PDE4A: variants seen among roughly 807,000 people sequenced by gnomAD.
The protein encoded by PDE4A is 3',5'-cyclic-AMP phosphodiesterase 4A.
A neutral mutation model predicts 73.9 loss-of-function variants in PDE4A; 21 were observed. The ratio of observed to expected loss-of-function variants is 0.28; its 90% CI spans 0.20 to 0.41. The LOEUF is 0.41. Ranked by LOEUF, PDE4A falls within the 10% of genes least tolerant of loss-of-function variation. The pLI is 1.00. For synonymous variants in PDE4A, 463 were observed against 505.4 expected, an observed-to-expected ratio of 0.92 and a Z score of 1.13; for missense variants, 958 against 1,211.4, an observed-to-expected ratio of 0.79 and a Z score of 3.10.
At chr19:10,435,020 C>T (rs958832059) in intron 1 of PDE4A, among the ~76,000 whole-genome samples, 3 of 151,686 alleles carry the variant, frequency 2.0e-5, no homozygotes, top group Admixed American at 6.6e-5. Flanking sequence ...TGAGCCACGG[C>T]GCCTGGCCAT....
At chr19:10,428,796 A>G in intron 1 of PDE4A, 2 of 985,434 alleles carry the variant, frequency 2.0e-6, no homozygotes, top group Non-Finnish European at 2.4e-6. Context: ...CATCAGAGCC[A>G]ACACTAGAGA....
chr19:10,467,504 C>T lies in PDE4A; in HGVS notation c.2544C>T (p.Ala848=), dbSNP rs1160463839. The T allele has an allele frequency of 6.2e-7, 1 of 1,612,804 alleles. No individual in the cohort carries two copies. The highest frequency in any genetic ancestry group is 8.5e-7 in the Non-Finnish European group (1 of 1,179,810). The change falls in exon 15 of 15, where the codon GCC becomes GCT. Residue 848 remains alanine, a synonymous_variant. Transcript: ENST00000380702. ...GLPSTAAEVE[A]QREHQAAKRA... ...CCTCCACGGCGGCCGAGGTGGAGGCCCAACGAGAGCACCAGGCTGCCAAGA... is the reference window on the plus strand; with the variant it reads ...CCTCCACGGCGGCCGAGGTGGAGGCTCAACGAGAGCACCAGGCTGCCAAGA...
At chr19:10,447,384 C>T (rs2043023296) in intron 2 of PDE4A, among the ~76,000 whole-genome samples, 2 of 148,642 alleles carry the variant, frequency 1.3e-5, no homozygotes, top group African/African-American at 5.0e-5. Context: ...TGCCACCACA[C>T]CCGGCTAATT....
At chr19:10,459,306 G>C in intron 8 of PDE4A, 94 bp from the exon 9 acceptor site, 5 of 1,584,194 alleles carry the variant, frequency 3.2e-6, no homozygotes, top group Non-Finnish European at 4.3e-6. Flanking sequence ...CAATAATGGT[G>C]CTTCCTTCAG....
At chr19:10,435,721 G>A (rs1217122348) in intron 1 of PDE4A, among the ~76,000 whole-genome samples, 1 of 152,218 alleles carries the variant, frequency 6.6e-6, no homozygotes, top group Non-Finnish European at 1.5e-5. Flanking sequence ...TGTCTGGGTT[G>A]CAACCTTGGG....
upstream of PDE4A, chr19:10,420,230 C>A: frequency 4.6e-6 from 1 of 217,254 alleles, no homozygotes; most frequent in Non-Finnish European, 7.9e-6. This position sits in a 1 kb window ranked among gnomAD's most constrained non-coding sequence, Gnocchi z 6.0. Context: ...GACACTCTGG[C>A]AACCAGTCCG....
chr19:10,433,352 G>A (rs967839113), intron 1 of PDE4A, among the ~76,000 whole-genome samples: 8 of 152,046 alleles, frequency 5.3e-5, no homozygotes, highest in Non-Finnish European at 7.4e-5. Context: ...CACAGTGGGG[G>A]ACACTGTATT....
rs1458142500 is a variant in PDE4A, at chr19:10,463,992, T to C, written c.1926+17T>C. ...AAGTCTCAGGTACAGGCTCGGGGCA[T>C]TGATGGACGGGCACAGGGTGAGTCT... is the stretch of plus-strand genomic sequence containing the variant. On this transcript the variant is annotated intron_variant, in intron 14 of 14. Coordinates refer to ENST00000380702, the MANE Select transcript of PDE4A (RefSeq NM_001111307.2). The C allele has an allele frequency of 3.7e-6, 6 of 1,613,788 alleles. No homozygotes were observed. The highest frequency in any genetic ancestry group is 3.3e-5 in the Admixed American group (2 of 59,968).
At position 10,467,233 on chromosome 19, in the gene PDE4A, A is replaced by T. The variant is rs1440413137; in HGVS notation, c.2273A>T (p.Gln758Leu). Reference sequence around the variant, plus strand: ...ATAGCCTGGGAGGCATCCCCGGCCCAGGAGTCGTTGGAAGTTATGGCACAG... The same window carrying T: ...ATAGCCTGGGAGGCATCCCCGGCCCTGGAGTCGTTGGAAGTTATGGCACAG... ...ATIAWEASPA[Q>L]ESLEVMAQEA... Residue 758 changes from glutamine to leucine, a missense_variant, in exon 15 of 15, where the codon CAG becomes CTG. Gln to Leu is a moderately radical substitution (Grantham distance 113). Transcript: ENST00000380702. 1 of 1,614,076 alleles carries T rather than the reference A, an allele frequency of 6.2e-7. No individual in the cohort carries two copies. Among genetic ancestry groups the T allele is most frequent in the Non-Finnish European group, 8.5e-7 (1 of 1,180,040 alleles).
chr19:10,450,555 TG>T, intron 4 of PDE4A, 47 bp from the exon 5 acceptor site: 3 of 1,553,018 alleles, frequency 1.9e-6, no homozygotes, highest in Non-Finnish European at 2.6e-6. Context: ...AGGGACCTGG[TG>T]GGGGGACCCA....
rs1446564546 is a variant in PDE4A at position 10,424,448 on chromosome 19, G to C, written c.320+3364G>C. The stretch of plus-strand genomic sequence containing the variant: ...TTGTCCCTGGCGCTCCCAAGTCCCT[G>C]GATGTGGGTTGGGAGCGGGTCTCCC... On this transcript the variant is annotated intron_variant, in intron 1 of 14. Transcript: ENST00000380702. The surrounding 1 kb of genome is among the most constrained non-coding windows in gnomAD (Gnocchi z 4.8). Among the ~76,000 whole-genome samples, 2 of 152,222 alleles carry C rather than the reference G, an allele frequency of 1.3e-5. No individual in the cohort carries two copies. Among genetic ancestry groups the C allele is most frequent in the Non-Finnish European group, 2.9e-5 (2 of 68,024 alleles).
chr19:10,416,882 A>T, upstream of PDE4A: 1 of 1,534,484 alleles, frequency 6.5e-7, no homozygotes. Context: ...TTGGTCTTGT[A>T]GGAGGCCCTG....
chr19:10,428,355 CTCGA>C (rs1261064120), intron 1 of PDE4A, among the ~76,000 whole-genome samples: 77 of 107,086 alleles, frequency 7.2e-4, no homozygotes, highest in Middle Eastern at 4.6e-3. Context: ...GAGATCCTGT[CTCGA>C]GAGAGAGAGA....
chr19:10,427,145 C>T (rs1244455075), intron 1 of PDE4A, among the ~76,000 whole-genome samples: 2 of 151,908 alleles, frequency 1.3e-5, no homozygotes, highest in East Asian at 1.9e-4. Flanking sequence ...ACTAAAAATA[C>T]AAAAATTAGC....
chr19:10,450,653 G>A lies in PDE4A; in HGVS notation c.670+1G>A, dbSNP rs368760453. On this transcript the variant is annotated splice_donor_variant, in intron 5 of 14. Transcript: ENST00000380702. LOFTEE classifies it high-confidence loss of function. ...CCTGTCTGCAAGGCCACGCTGTCAG[G>A]TAGCTAAGCCCAGAGGGGTGGGAAG... 1 of 1,609,120 alleles carries A rather than the reference G, an allele frequency of 6.2e-7. No individual in the cohort carries two copies. The highest frequency in any genetic ancestry group is 8.5e-7 in the Non-Finnish European group (1 of 1,178,466).
At chr19:10,427,817 T>C (rs1010301402) in intron 1 of PDE4A, 22 of 985,130 alleles carry the variant, frequency 2.2e-5, no homozygotes, top group Non-Finnish European at 2.7e-5. Context: ...CTAAGGGCAT[T>C]GAAACCTTGG....
intron 7 of PDE4A, among the ~76,000 whole-genome samples, chr19:10,457,568 G>C (rs535412413): frequency 6.6e-6 from 1 of 151,854 alleles, no homozygotes; most frequent in Non-Finnish European, 1.5e-5. Context: ...CTGGGTGTTC[G>C]GGGTAGGCAG....
Position 10,434,533 on chromosome 19 carries a change from G to A in PDE4A, c.321-11685G>A, listed in dbSNP as rs542551358. 1.3e-4 allele frequency among the ~76,000 whole-genome samples: 19 copies of A among 151,432 alleles called. No individual in the cohort carries two copies. In the South Asian group the frequency reaches 3.5e-3, roughly 28 times the overall value. On this transcript the variant is annotated intron_variant, in intron 1 of 14. Transcript: ENST00000380702. Reference sequence around the variant, plus strand: ...TCAGTTTCTTTGTCTGGAAAATGGAGCATTAATGCATGTTACAGTATAGCA... The same window carrying A: ...TCAGTTTCTTTGTCTGGAAAATGGAACATTAATGCATGTTACAGTATAGCA...
intron 14 of PDE4A, among the ~76,000 whole-genome samples, chr19:10,466,614 C>T (rs970367154): frequency 1.3e-5 from 2 of 152,000 alleles, no homozygotes; most frequent in African/African-American, 4.8e-5. Context: ...TCTGTCTCAG[C>T]CTCCCAAGTA....
Sources: allele counts gnomAD v4.1 joint callset (sites outside exome capture counted in the v4.1 genomes callset), GRCh38; gene constraint gnomAD v4.1.1; non-coding constraint Gnocchi (gnomAD v3.1); transcripts MANE v1.5; gene names NCBI Gene and HGNC (gene_info 2026-07-23, HGNC 2026-07-21).